Variants in NFIX observed in about 807,000 individuals in gnomAD.
NFIX encodes the protein nuclear factor I X, also known as nuclear factor 1 X-type.
NFIX carries 2 observed loss-of-function variants against 53.3 expected under a neutral mutation model. The ratio of observed to expected loss-of-function variants is 0.04; its 90% CI spans 0.02 to 0.12. The LOEUF (loss-of-function observed/expected upper bound fraction) is 0.12. Ranked by LOEUF, NFIX falls within the 10% of genes least tolerant of loss-of-function variation. The pLI is 1.00. For missense variants in NFIX, 310 were observed against 674.5 expected (o/e 0.46, Z 5.99); for synonymous variants, 244 against 289.0 (o/e 0.84, Z 1.58).
Position 13,072,033 on chromosome 19 carries a change from G to T in NFIX, c.560-1014G>T, listed in dbSNP as rs547154311. ...GGGCAAAGCCCTGGCCAATACCAAG[G>T]CACGTTTTTCAGATGCCACCCCCAT... On this transcript the variant is annotated intron_variant, in intron 2 of 10. Coordinates refer to ENST00000592199, the MANE Select transcript of NFIX (RefSeq NM_001365902.3). The surrounding 1 kb of genome is among the most constrained non-coding windows in gnomAD (Gnocchi z 4.0). 6.6e-6 allele frequency among the ~76,000 whole-genome samples: 1 copy of T among 152,326 alleles called. No homozygotes were observed. Among genetic ancestry groups the T allele is most frequent in the East Asian group, 1.9e-4 (1 of 5,184 alleles).
At position 13,067,297 on chromosome 19, in the gene NFIX, AG is replaced by A. The variant is rs1410514772; in HGVS notation, c.560-5746del. ...CTGGAATGTCAGGCCTGGGAGGGCC[AG>A]GGGATGGGCAGGCACACCCCAAGGG... On this transcript the variant is annotated intron_variant, in intron 2 of 10. Transcript: ENST00000592199. The surrounding 1 kb of genome is among the most constrained non-coding windows in gnomAD (Gnocchi z 4.2). Among the ~76,000 whole-genome samples, 5 of 152,202 alleles carry A rather than the reference AG, an allele frequency of 3.3e-5. No individual in the cohort carries two copies. Among genetic ancestry groups the A allele is most frequent in the Non-Finnish European group, 7.4e-5 (5 of 68,024 alleles).
At position 13,014,329 on chromosome 19, in the gene NFIX, C is replaced by T. The variant is rs1244163298; in HGVS notation, c.28-10692C>T. On this transcript the variant is annotated intron_variant, in intron 1 of 10. Coordinates refer to ENST00000592199, the MANE Select transcript of NFIX (RefSeq NM_001365902.3). This position sits in a 1 kb window ranked among gnomAD's most constrained non-coding sequence, Gnocchi z 4.4. ...CCCTCTCCTCTTCCCTCCCCCGCCT[C>T]TGGGCCCTGACCCACTGCCTGGTTT... is the stretch of plus-strand genomic sequence containing the variant. The T allele has an allele frequency of 6.6e-6, 1 of 152,238 alleles. No individual in the cohort carries two copies. Among genetic ancestry groups the T allele is most frequent in the Non-Finnish European group, 1.5e-5 (1 of 68,046 alleles). 9.4% of individuals were successfully genotyped at this position (152,238 alleles called of 1,614,324 possible). A position where few individuals can be genotyped will look rare whatever the true frequency, so the allele number is the denominator to read the frequency against.
In NFIX at chr19:13,096,396, A is replaced by G. The variant is rs1410333958; in HGVS notation, c.*1747A>G. ...GGGAGTGACGGGAGGGGAGGAGGTCAGCGACCTGGGGCCGTAGCGGCAGGC... is the reference window on the plus strand; with the variant it reads ...GGGAGTGACGGGAGGGGAGGAGGTCGGCGACCTGGGGCCGTAGCGGCAGGC... On this transcript the variant is annotated 3_prime_UTR_variant, in exon 11 of 11. Coordinates refer to ENST00000592199, the MANE Select transcript of NFIX (RefSeq NM_001365902.3). The G allele has an allele frequency of 1.3e-5, 2 of 152,330 alleles. No individual in the cohort carries two copies. Among genetic ancestry groups the G allele is most frequent in the African/African-American group, 4.8e-5 (2 of 41,452 alleles). 9.4% of individuals were successfully genotyped at this position (152,330 alleles called of 1,614,324 possible). A position where few individuals can be genotyped will look rare whatever the true frequency, so the allele number is the denominator to read the frequency against.
chr19:13,024,852 G>T, intron 1 of NFIX, 169 bp from the exon 2 acceptor site: 1 of 1,318,054 alleles, frequency 7.6e-7, no homozygotes, highest in South Asian at 1.3e-5. Flanking sequence ...CACTTTCGTA[G>T]AACAATCGCA....
rs981438832 is a variant in NFIX, at chr19:13,021,571, C to T, written c.28-3450C>T. ...GTCGCCAGCTGAGGACTGAGCCTCG[C>T]TGAGGGAGAGGGCGGCTGTAGGGAT... On this transcript the variant is annotated intron_variant, in intron 1 of 10. Coordinates refer to ENST00000592199, the MANE Select transcript of NFIX (RefSeq NM_001365902.3). This position sits in a 1 kb window ranked among gnomAD's most constrained non-coding sequence, Gnocchi z 4.2. 4.6e-5 allele frequency among the ~76,000 whole-genome samples: 7 copies of T among 152,238 alleles called. No individual in the cohort carries two copies. The highest frequency in any genetic ancestry group is 2.0e-4 in the Admixed American group (3 of 15,286).
intron 7 of NFIX, among the ~76,000 whole-genome samples, chr19:13,079,235 T>TTGTC (rs2017308160): frequency 6.6e-6 from 1 of 152,030 alleles, no homozygotes. Flanking sequence ...AGTAGCTACC[T>TTGTC]TGTCTGGGCC....
In NFIX at chr19:13,020,040, C is replaced by T. The variant is rs114526478; in HGVS notation, c.28-4981C>T. On this transcript the variant is annotated intron_variant, in intron 1 of 10. Transcript: ENST00000592199. ...CTGCATGTCCCCTTGCTCTTTCCAT[C>T]ACCTGAACTCTTACACTTGCCAGTG... Among the ~76,000 whole-genome samples, 850 of 151,966 alleles carry T rather than the reference C, an allele frequency of 5.6e-3. 9 individuals are homozygous for T. Among genetic ancestry groups the T allele is most frequent in the African/African-American group, 0.02 (816 of 41,426 alleles).
Position 13,008,800 on chromosome 19 carries a change from T to C in NFIX, c.27+12936T>C, listed in dbSNP as rs148128515. Among the ~76,000 whole-genome samples the C allele has an allele frequency of 4.5e-4, 68 of 152,260 alleles. No homozygotes were observed. In the South Asian group the frequency reaches 8.7e-3, roughly 19 times the overall value. On this transcript the variant is annotated intron_variant, in intron 1 of 10. Coordinates refer to ENST00000592199, the MANE Select transcript of NFIX (RefSeq NM_001365902.3). ...GAAGCTGGAGGCTGGGTACTTGAGC[T>C]GACACAGTAGGTGAAGGAGAGGCTC...
chr19:13,007,801 C>T (rs905211773), intron 1 of NFIX, among the ~76,000 whole-genome samples: 9 of 151,078 alleles, frequency 6.0e-5, no homozygotes, highest in African/African-American at 2.2e-4. Context: ...CTGGCCTCAA[C>T]CCAAGGCGGC....
intron 2 of NFIX, among the ~76,000 whole-genome samples, chr19:13,062,209 A>G (rs746496474): frequency 2.0e-5 from 3 of 152,082 alleles, no homozygotes; most frequent in Non-Finnish European, 4.4e-5. Context: ...TGGTGCAAGT[A>G]TGTTCAGTCC....
intron 2 of NFIX, among the ~76,000 whole-genome samples, chr19:13,064,855 G>A (rs1297715153): frequency 6.6e-6 from 1 of 152,178 alleles, no homozygotes; most frequent in Non-Finnish European, 1.5e-5. Flanking sequence ...CAGGTGGAAG[G>A]ACAGGCGACA....
In NFIX at chr19:13,051,641, C is replaced by G. The variant is rs1036523504; in HGVS notation, c.560-21406C>G. Among the ~76,000 whole-genome samples the G allele has an allele frequency of 6.6e-6, 1 of 152,146 alleles. No individual in the cohort carries two copies. The highest frequency in any genetic ancestry group is 2.4e-5 in the African/African-American group (1 of 41,424). On this transcript the variant is annotated intron_variant, in intron 2 of 10. Coordinates refer to ENST00000592199, the MANE Select transcript of NFIX (RefSeq NM_001365902.3). This position sits in a 1 kb window ranked among gnomAD's most constrained non-coding sequence, Gnocchi z 5.1. ...CGAGTGAGCTCTAGAGGCCCTTCCT[C>G]GGAGAAGCCCAGCCCTCCTCCTCCT... is the stretch of plus-strand genomic sequence containing the variant.
Position 13,081,925 on chromosome 19 carries a change from C to T in NFIX, c.1254+70C>T. 6.4e-7 allele frequency: 1 copy of T among 1,569,184 alleles called. No homozygotes were observed. The highest frequency in any genetic ancestry group is 8.7e-7 in the Non-Finnish European group (1 of 1,151,962). On this transcript the variant is annotated intron_variant, in intron 8 of 10. Transcript: ENST00000592199. This position sits in a 1 kb window ranked among gnomAD's most constrained non-coding sequence, Gnocchi z 4.7. ...ACATCTATCTGTCTGTCTCAGGGCTCACAGGGAGAGGGCCCAAAAGCCAGG... is the reference window on the plus strand; with the variant it reads ...ACATCTATCTGTCTGTCTCAGGGCTTACAGGGAGAGGGCCCAAAAGCCAGG...
chr19:13,091,400 C>CAAAAA (rs57370192), intron 10 of NFIX, among the ~76,000 whole-genome samples: 1 of 57,204 alleles, frequency 1.7e-5, no homozygotes, highest in Non-Finnish European at 3.6e-5. Context: ...TTCCTTCCCT[C>CAAAAA]AAAAAAAAAA....
At chr19:13,077,332 T>C (rs2017170580) in intron 6 of NFIX, among the ~76,000 whole-genome samples, 1 of 152,176 alleles carries the variant, frequency 6.6e-6, no homozygotes, top group African/African-American at 2.4e-5. Context: ...CTCAACATCC[T>C]CCTGCAGCAC....
In NFIX at chr19:13,036,516, G is replaced by T. The variant is rs2014201334; in HGVS notation, c.559+10964G>T. 6.6e-6 allele frequency among the ~76,000 whole-genome samples: 1 copy of T among 152,124 alleles called. No homozygotes were observed. Among genetic ancestry groups the T allele is most frequent in the Non-Finnish European group, 1.5e-5 (1 of 68,024 alleles). Reference sequence around the variant, plus strand: ...GACAGCTGAGAGTAGGGTGACACCTGGTGACTCTTGTGGACTGGGCGGAGC... The same window carrying T: ...GACAGCTGAGAGTAGGGTGACACCTTGTGACTCTTGTGGACTGGGCGGAGC... On this transcript the variant is annotated intron_variant, in intron 2 of 10. Transcript: ENST00000592199. This position sits in a 1 kb window ranked among gnomAD's most constrained non-coding sequence, Gnocchi z 4.7.
At chr19:13,064,153 G>T (rs909193267) in intron 2 of NFIX, among the ~76,000 whole-genome samples, 1 of 152,106 alleles carries the variant, frequency 6.6e-6, no homozygotes. Flanking sequence ...GTTTTTCTTC[G>T]TCAAGTTGGG....
intron 7 of NFIX, among the ~76,000 whole-genome samples, chr19:13,079,315 A>G (rs1407726435): frequency 1.3e-5 from 2 of 152,200 alleles, no homozygotes; most frequent in African/African-American, 4.8e-5. Flanking sequence ...CTCCCCAGGA[A>G]AAGGAACTGC....
At chr19:13,048,890 T>C (rs2015153753) in intron 2 of NFIX, among the ~76,000 whole-genome samples, 2 of 152,212 alleles carry the variant, frequency 1.3e-5, no homozygotes, top group South Asian at 4.1e-4. Flanking sequence ...CTGGCCAGCA[T>C]GGTGAAACCC....
Sources: gnomAD v4.1 joint callset for allele counts (sites outside exome capture counted in the v4.1 genomes callset) on GRCh38, gnomAD v4.1.1 for gene constraint, Gnocchi (gnomAD v3.1) non-coding constraint, MANE v1.5 for transcripts, NCBI Gene and HGNC (gene_info 2026-07-23, HGNC 2026-07-21) for gene names.